The following RAPGEF1 variants were observed in gnomAD, a reference collection of about 807,000 sequenced individuals.
The protein encoded by RAPGEF1 is CRK SH3-binding GNRP.
Under a neutral mutation model 143.3 loss-of-function variants are expected in RAPGEF1, and 33 were observed. The ratio of observed to expected loss-of-function variants is 0.23; its 90% confidence interval spans 0.17 to 0.31. The LOEUF (loss-of-function observed/expected upper bound fraction) is 0.31. RAPGEF1 is among the 10% of genes least tolerant of loss of function. RAPGEF1 has a pLI of 1.00. For missense variants in RAPGEF1, 1,199 were observed against 1,645.4 expected, an observed-to-expected ratio of 0.73 and a Z score of 4.69; for synonymous variants, 629 against 676.5, an observed-to-expected ratio of 0.93 and a Z score of 1.09.
At chr9:131,595,593 G>A (rs868840211) in intron 17 of RAPGEF1, among the ~76,000 whole-genome samples, 3 of 152,176 alleles carry the variant, frequency 2.0e-5, no homozygotes, top group Non-Finnish European at 4.4e-5. Flanking sequence ...GAGACTGGCC[G>A]GCCAGGTGGT....
chr9:131,718,566 C>G (rs1027013550), intron 1 of RAPGEF1, among the ~76,000 whole-genome samples: 2 of 152,096 alleles, frequency 1.3e-5, no homozygotes, highest in African/African-American at 4.8e-5. Flanking sequence ...TGGAGTAAAT[C>G]GCAGGGGTTT....
At chr9:131,700,029 C>T (rs1229653333) in intron 1 of RAPGEF1, among the ~76,000 whole-genome samples, 3 of 152,194 alleles carry the variant, frequency 2.0e-5, no homozygotes, top group African/African-American at 4.8e-5. Context: ...CCCCAATCAT[C>T]CCCCACAATC....
intron 3 of RAPGEF1, among the ~76,000 whole-genome samples, chr9:131,649,747 A>C (rs917419318): frequency 6.6e-6 from 1 of 152,128 alleles, no homozygotes; most frequent in African/African-American, 2.4e-5. Flanking sequence ...ATGGGTAAGA[A>C]AGCACTCGGA....
chr9:131,698,359 A>T (rs2131087287), intron 1 of RAPGEF1, among the ~76,000 whole-genome samples: 1 of 152,344 alleles, frequency 6.6e-6, no homozygotes, highest in South Asian at 2.1e-4. Flanking sequence ...CAATTCTGCC[A>T]CTTACTAGCT....
intron 3 of RAPGEF1, among the ~76,000 whole-genome samples, chr9:131,646,445 A>T (rs1303977117): frequency 6.6e-6 from 1 of 152,240 alleles, no homozygotes; most frequent in African/African-American, 2.4e-5. Context: ...AGAGATGGAC[A>T]TAAAATCCCC....
In RAPGEF1 at chr9:131,709,765, A is replaced by G. The variant is rs1046611534; in HGVS notation, c.61+30005T>C. 3 of 1,604,560 alleles carry G rather than the reference A, an allele frequency of 1.9e-6. No individual in the cohort carries two copies. The African/African-American group carries it at 4.0e-5, about 22-fold the overall frequency. Reference sequence around the variant, plus strand: ...ACTGAGGACCGAGTCACTGGCTGAAAGGGGATATCTCTTGGACATCCCAAA... The same window carrying G: ...ACTGAGGACCGAGTCACTGGCTGAAGGGGGATATCTCTTGGACATCCCAAA... On this transcript the variant is annotated intron_variant, in intron 1 of 26. Transcript: ENST00000683357.
intron 13 of RAPGEF1, among the ~76,000 whole-genome samples, chr9:131,604,454 C>T (rs1956780398): frequency 6.6e-6 from 1 of 152,368 alleles, no homozygotes; most frequent in Admixed American, 6.5e-5. Context: ...GGACGAAGCG[C>T]TACAGGCACT....
chr9:131,712,473 C>A (rs1013270488), intron 1 of RAPGEF1, among the ~76,000 whole-genome samples: 2 of 152,210 alleles, frequency 1.3e-5, no homozygotes, highest in African/African-American at 4.8e-5. Flanking sequence ...GGCTGGGGCG[C>A]TGTTTCCTCC....
At chr9:131,657,717 G>C (rs1972860334) in intron 1 of RAPGEF1, among the ~76,000 whole-genome samples, 1 of 152,216 alleles carries the variant, frequency 6.6e-6, no homozygotes, top group Non-Finnish European at 1.5e-5. Flanking sequence ...TGGCACACTG[G>C]ATGGTGCAGC....
intron 12 of RAPGEF1, among the ~76,000 whole-genome samples, chr9:131,605,828 C>G (rs2132535913): frequency 6.7e-6 from 1 of 149,548 alleles, no homozygotes; most frequent in African/African-American, 2.5e-5. Context: ...AGTCTCAGCT[C>G]TTTGGGAGGC....
intron 1 of RAPGEF1, among the ~76,000 whole-genome samples, chr9:131,654,971 C>T (rs1221892007): frequency 2.0e-5 from 3 of 152,134 alleles, no homozygotes. Context: ...AAAAGCACTC[C>T]CTCTGTCAAG....
intron 1 of RAPGEF1, among the ~76,000 whole-genome samples, chr9:131,677,702 G>A (rs1322398246): frequency 2.0e-5 from 3 of 152,160 alleles, no homozygotes; most frequent in African/African-American, 7.2e-5. Context: ...CCTCCCTTAC[G>A]CTTAAGGGTC....
intron 1 of RAPGEF1, among the ~76,000 whole-genome samples, chr9:131,694,817 CTTTAAG>C (rs1484551500): frequency 7.2e-6 from 1 of 137,964 alleles, no homozygotes; most frequent in Non-Finnish European, 1.6e-5. Context: ...TTTTTTTATA[CTTTAAG>C]TTTTAGGGTA....
intron 1 of RAPGEF1, among the ~76,000 whole-genome samples, chr9:131,698,663 C>T (rs145255950): frequency 1.6e-4 from 25 of 152,294 alleles, no homozygotes; most frequent in African/African-American, 6.0e-4. Context: ...CTGCTTTAGC[C>T]AATGAAATAA....
chr9:131,586,889 AACAC>A (rs1296437482), intron 22 of RAPGEF1, among the ~76,000 whole-genome samples: 3 of 41,730 alleles, frequency 7.2e-5, no homozygotes, highest in African/African-American at 2.7e-4. Flanking sequence ...CTCCGTCTCA[AACAC>A]ACACACACAC....
chr9:131,637,160 G>A (rs2133210684), intron 5 of RAPGEF1, among the ~76,000 whole-genome samples: 1 of 151,976 alleles, frequency 6.6e-6, no homozygotes, highest in East Asian at 1.9e-4. Context: ...AGGAGGCAGA[G>A]GTTGCAGTGA....
chr9:131,663,411 A>G (rs1829913097), intron 1 of RAPGEF1, among the ~76,000 whole-genome samples: 1 of 150,738 alleles, frequency 6.6e-6, no homozygotes, highest in East Asian at 1.9e-4. Flanking sequence ...CTGACATAAT[A>G]TTTGCTCCAT....
intron 1 of RAPGEF1, among the ~76,000 whole-genome samples, chr9:131,739,278 AC>A (rs1162654521): frequency 2.0e-5 from 3 of 151,694 alleles, no homozygotes; most frequent in Admixed American, 1.3e-4. Context: ...TCCTCAAAAT[AC>A]CCCCACTCAT....
In RAPGEF1 at chr9:131,651,011, C is replaced by G. The variant is rs191691558; in HGVS notation, c.62-62G>C. 201 of 1,557,270 alleles carry G rather than the reference C, an allele frequency of 1.3e-4. No individual in the cohort carries two copies. In the African/African-American group the frequency reaches 1.4e-3, roughly 11 times the overall value. The stretch of plus-strand genomic sequence containing the variant: ...TGGGAAGAAGCGATGGTTCATTGAC[C>G]TTTTGTGGAAATGAGCAATGTCCCC... On this transcript the variant is annotated intron_variant, in intron 1 of 26. Transcript: ENST00000683357.
Sources: gnomAD v4.1 joint callset for allele counts (sites outside exome capture counted in the v4.1 genomes callset) on GRCh38, gnomAD v4.1.1 for gene constraint, MANE v1.5 for transcripts, NCBI Gene and HGNC (gene_info 2026-07-23, HGNC 2026-07-21) for gene names.